Variants in SGCD observed in about 807,000 individuals in gnomAD.
The protein encoded by SGCD is sarcoglycan delta, also known as delta-sarcoglycan.
SGCD carries 18 observed loss-of-function variants against 36.6 expected under a neutral mutation model. The observed-to-expected ratio is 0.49, with a 90% CI of 0.34 to 0.73. The LOEUF is 0.73. Ranked by LOEUF, SGCD falls within the 30% of genes least tolerant of loss-of-function variation. The probability of loss-of-function intolerance (pLI) is 0.01; values close to 1 mark genes in which losing one functional copy is unlikely to be tolerated. For synonymous variants in SGCD, 133 were observed against 130.6 expected (o/e 1.02, Z -0.12); for missense variants, 387 against 346.7 (o/e 1.12, Z -0.92).
chr5:155,858,735 G>A, the SGCD span, among the ~76,000 whole-genome samples: 1 of 152,136 alleles, frequency 6.6e-6, no homozygotes, highest in East Asian at 1.9e-4. Flanking sequence ...GTTCTGGGTC[G>A]ATTAGAACCT....
chr5:156,136,102 G>A (rs1052075057), intron 3 of SGCD, among the ~76,000 whole-genome samples: 3 of 151,964 alleles, frequency 2.0e-5, no homozygotes, highest in Non-Finnish European at 4.4e-5. Flanking sequence ...CCTTCAATCT[G>A]TGTTTTTATA....
At position 156,509,646 on chromosome 5, in the gene SGCD, C is replaced by G. The variant is rs370970720; in HGVS notation, c.294+944C>G. 5.1e-4 allele frequency among the ~76,000 whole-genome samples: 78 copies of G among 152,314 alleles called. 2 individuals are homozygous for G. Among genetic ancestry groups the G allele is most frequent in the African/African-American group, 1.8e-3 (76 of 41,578 alleles). On this transcript the variant is annotated intron_variant, in intron 4 of 8. Transcript: ENST00000337851. The stretch of plus-strand genomic sequence containing the variant: ...GAAGTTTCATGTAAAAAGCTTCATA[C>G]TTGTAGCAGGACAAAGATTTCAAGC...
At chr5:155,910,770 A>G (rs966872649) in intron 1 of SGCD, among the ~76,000 whole-genome samples, 2 of 152,168 alleles carry the variant, frequency 1.3e-5, no homozygotes, top group South Asian at 2.1e-4. Context: ...AATCATGTAC[A>G]CAAAAAAATT....
chr5:156,567,572 C>T (rs971624987), intron 4 of SGCD, among the ~76,000 whole-genome samples: 3 of 152,130 alleles, frequency 2.0e-5, no homozygotes, highest in Non-Finnish European at 4.4e-5. Flanking sequence ...CAGGGAAGGT[C>T]AGCCTTCGTC....
the SGCD span, among the ~76,000 whole-genome samples, chr5:155,830,753 G>A: frequency 7.9e-5 from 12 of 152,208 alleles, no homozygotes; most frequent in South Asian, 4.2e-4. Context: ...ATTCTCATAC[G>A]ACCTGTTGTG....
At chr5:156,504,515 A>T (rs1431764236) in intron 3 of SGCD, among the ~76,000 whole-genome samples, 1 of 151,482 alleles carries the variant, frequency 6.6e-6, no homozygotes, top group African/African-American at 2.4e-5. Context: ...ATGCATCATG[A>T]ATATTTGCCT....
rs1769277262 is a variant in SGCD, at chr5:156,351,873, T to TG, written c.192+7200dup. 7.9e-5 allele frequency among the ~76,000 whole-genome samples: 12 copies of TG among 152,228 alleles called. No homozygotes were observed. The South Asian group carries it at 2.5e-3, about 32-fold the overall frequency. ...GTCTGTTGGCTAGTTTGTCATATTG[T>TG]GGGGCAGTGCATAATGCCATGAGTG... is the stretch of plus-strand genomic sequence containing the variant. On this transcript the variant is annotated intron_variant, in intron 3 of 8. Coordinates refer to ENST00000337851, the MANE Select transcript of SGCD (RefSeq NM_000337.6).
chr5:156,207,510 A>T (rs750294182), intron 3 of SGCD, among the ~76,000 whole-genome samples: 1 of 152,188 alleles, frequency 6.6e-6, no homozygotes, highest in Non-Finnish European at 1.5e-5. Context: ...CAGCACTTCC[A>T]TAGGGAATAT....
chr5:155,786,608 T>C, the SGCD span, among the ~76,000 whole-genome samples: 28 of 152,226 alleles, frequency 1.8e-4, no homozygotes, highest in East Asian at 5.0e-3. Context: ...AGGCAAAATA[T>C]GGTGGCAATA....
intron 1 of SGCD, among the ~76,000 whole-genome samples, chr5:155,972,413 T>C (rs1216326517): frequency 1.3e-5 from 2 of 152,174 alleles, no homozygotes; most frequent in Non-Finnish European, 2.9e-5. Flanking sequence ...TGTGAACATT[T>C]TCCATACTGG....
intron 3 of SGCD, among the ~76,000 whole-genome samples, chr5:156,139,833 C>A (rs1762534868): frequency 6.6e-6 from 1 of 152,190 alleles, no homozygotes; most frequent in Admixed American, 6.5e-5. Context: ...ATTTGCAATG[C>A]AACATTGTTA....
chr5:156,582,873 C>T (rs1760335265), intron 4 of SGCD, among the ~76,000 whole-genome samples: 2 of 152,280 alleles, frequency 1.3e-5, no homozygotes, highest in South Asian at 4.1e-4. Context: ...ACTGATTTTT[C>T]ACTTCCTGAG....
At chr5:156,252,654 A>G (rs550122454) in intron 3 of SGCD, among the ~76,000 whole-genome samples, 3 of 152,354 alleles carry the variant, frequency 2.0e-5, no homozygotes, top group South Asian at 2.1e-4. Flanking sequence ...TAGTGGCCCC[A>G]TTAGATGCAA....
the SGCD span, among the ~76,000 whole-genome samples, chr5:155,781,448 A>G: frequency 6.6e-6 from 1 of 152,088 alleles, no homozygotes; most frequent in Non-Finnish European, 1.5e-5. Flanking sequence ...ACCACATTTT[A>G]ACCAAATAGG....
chr5:156,584,038 C>T (rs541283524), intron 4 of SGCD, among the ~76,000 whole-genome samples: 61 of 152,244 alleles, frequency 4.0e-4, no homozygotes, highest in African/African-American at 1.4e-3. Context: ...AATCCCAAGA[C>T]GCAATCCATT....
chr5:156,756,384 C>T (rs1367311577), intron 7 of SGCD, among the ~76,000 whole-genome samples: 1 of 152,070 alleles, frequency 6.6e-6, no homozygotes, highest in Non-Finnish European at 1.5e-5. Flanking sequence ...GCTATCTCTA[C>T]AAAAAATTTA....
chr5:155,854,815 A>G, the SGCD span, among the ~76,000 whole-genome samples: 3 of 152,184 alleles, frequency 2.0e-5, no homozygotes, highest in Admixed American at 1.3e-4. Flanking sequence ...TTCACCAAGC[A>G]TTGATTGTAC....
chr5:155,908,051 C>T lies in SGCD; in HGVS notation c.-282+37627C>T, dbSNP rs535714114. Among the ~76,000 whole-genome samples the T allele has an allele frequency of 3.4e-4, 52 of 152,280 alleles. 1 individual carries two copies. In the South Asian group the frequency reaches 0.01, roughly 30 times the overall value. ...CAACCATCGACATTGAGGCAAGACC[C>T]TCTGCCAGCAAAAAGATTGCAAGTC... On this transcript the variant is annotated intron_variant, in intron 1 of 9. Coordinates refer to the SGCD transcript ENST00000517913.
intron 2 of SGCD, among the ~76,000 whole-genome samples, chr5:156,343,330 AC>A (rs1454339476): frequency 6.6e-6 from 1 of 152,192 alleles, no homozygotes; most frequent in African/African-American, 2.4e-5. Context: ...TAAGGGCTGT[AC>A]CATTATCTGA....
Sources: gnomAD v4.1 joint callset for allele counts (sites outside exome capture counted in the v4.1 genomes callset) on GRCh38, gnomAD v4.1.1 for gene constraint, MANE v1.5 for transcripts, NCBI Gene and HGNC (gene_info 2026-07-23, HGNC 2026-07-21) for gene names.